SNX29: variants seen among roughly 807,000 people sequenced by gnomAD.
SNX29 encodes the protein sorting nexin 29, also known as sorting nexin-29.
SNX29 carries 78 observed loss-of-function variants against 102.1 expected under a neutral mutation model. The ratio of observed to expected loss-of-function variants is 0.76; its 90% CI spans 0.64 to 0.92. The LOEUF is 0.92. Ranked by LOEUF, SNX29 falls within the 40% of genes least tolerant of loss-of-function variation. SNX29 has a pLI of 0.00. For missense variants in SNX29, 1,280 were observed against 1,061.7 expected, an observed-to-expected ratio of 1.21 and a Z score of -2.86; for synonymous variants, 580 against 414.5, an observed-to-expected ratio of 1.40 and a Z score of -4.85.
chr16:12,249,557 A>G (rs904849586), intron 14 of SNX29, among the ~76,000 whole-genome samples: 55 of 152,136 alleles, frequency 3.6e-4, no homozygotes, highest in African/African-American at 1.3e-3. Context: ...TGGCATTACC[A>G]TAGGTAGATG....
chr16:12,394,423 C>T (rs2083646839), intron 16 of SNX29, among the ~76,000 whole-genome samples: 1 of 152,190 alleles, frequency 6.6e-6, no homozygotes, highest in African/African-American at 2.4e-5. Flanking sequence ...ACCTGAAGGA[C>T]CTTGGGCAAG....
chr16:12,044,930 A>G (rs1037458963), intron 5 of SNX29, among the ~76,000 whole-genome samples: 5 of 152,054 alleles, frequency 3.3e-5, no homozygotes, highest in Admixed American at 1.3e-4. Context: ...CCAGCATATT[A>G]TTTACGGGTA....
chr16:12,337,357 TTCAAGACAGGG>T (rs2081482304), intron 15 of SNX29, among the ~76,000 whole-genome samples: 1 of 152,106 alleles, frequency 6.6e-6, no homozygotes, highest in South Asian at 2.1e-4. Flanking sequence ...GTTGTTGTTG[TTCAAGACAGGG>T]TCTTGCTGTG....
At position 12,241,273 on chromosome 16, in the gene SNX29, C is replaced by CA. The variant is rs1389792492; in HGVS notation, c.1679-36653dup. ...GTCTCTTAGAATTCATTGTTGTGAA[C>CA]AAAAAAAGAAAACTGGCTTAAAATT... is the stretch of plus-strand genomic sequence containing the variant. On this transcript the variant is annotated intron_variant, in intron 14 of 20. Transcript: ENST00000566228. Among the ~76,000 whole-genome samples, 10 of 151,668 alleles carry CA rather than the reference C, an allele frequency of 6.6e-5. No homozygotes were observed. The South Asian group carries it at 8.3e-4, about 13-fold the overall frequency.
At chr16:12,117,800 A>G (rs2053796042) in intron 11 of SNX29, among the ~76,000 whole-genome samples, 3 of 152,172 alleles carry the variant, frequency 2.0e-5, no homozygotes, top group Admixed American at 2.0e-4. Context: ...TGATTTTTAA[A>G]AAACCTTCAG....
intron 11 of SNX29, among the ~76,000 whole-genome samples, chr16:12,097,842 G>T (rs949242242): frequency 2.6e-5 from 4 of 152,192 alleles, no homozygotes; most frequent in Non-Finnish European, 4.4e-5. Context: ...GTTTGAGCTG[G>T]GACAGCTCAG....
Position 12,524,800 on chromosome 16 carries a change from C to A in SNX29, c.2277C>A (p.Ser759Arg), listed in dbSNP as rs1169500986. The change falls in exon 20 of 21, where the codon AGC becomes AGA. Residue 759 changes from serine to arginine, a missense_variant. Coordinates refer to ENST00000566228, the MANE Select transcript of SNX29 (RefSeq NM_032167.5). ...VIQMVPEFAA[S>R]PKKETLIQLM... ...AGATGGTCCCCGAGTTCGCTGCCAGCCCCAAGAAGGAGACCCTCATCCAGC... is the reference window on the plus strand; with the variant it reads ...AGATGGTCCCCGAGTTCGCTGCCAGACCCAAGAAGGAGACCCTCATCCAGC... 1 of 1,613,606 alleles carries A rather than the reference C, an allele frequency of 6.2e-7. No individual in the cohort carries two copies. The highest frequency in any genetic ancestry group is 8.5e-7 in the Non-Finnish European group (1 of 1,179,790).
At chr16:12,130,389 G>A (rs2054409274) in intron 13 of SNX29, among the ~76,000 whole-genome samples, 1 of 149,622 alleles carries the variant, frequency 6.7e-6, no homozygotes, top group Non-Finnish European at 1.5e-5. Context: ...GCAGGAGAAT[G>A]GCGTGAACCT....
chr16:12,092,244 C>G (rs1311790386), intron 11 of SNX29, among the ~76,000 whole-genome samples: 1 of 152,064 alleles, frequency 6.6e-6, no homozygotes, highest in Non-Finnish European at 1.5e-5. Context: ...TCCTCCTCCC[C>G]CAAATCCTGC....
chr16:12,307,200 A>C (rs889426717), intron 15 of SNX29, among the ~76,000 whole-genome samples: 7 of 152,084 alleles, frequency 4.6e-5, no homozygotes, highest in African/African-American at 1.7e-4. Flanking sequence ...AATTCTGTGT[A>C]CTCTTAACCA....
At chr16:12,215,470 T>C (rs1282721217) in intron 14 of SNX29, among the ~76,000 whole-genome samples, 1 of 152,154 alleles carries the variant, frequency 6.6e-6, no homozygotes, top group Non-Finnish European at 1.5e-5. Flanking sequence ...TCTGATGTCC[T>C]GATACAGAAG....
At chr16:12,122,005 G>A (rs566598934) in intron 11 of SNX29, among the ~76,000 whole-genome samples, 10 of 152,056 alleles carry the variant, frequency 6.6e-5, no homozygotes, top group South Asian at 2.1e-4. Flanking sequence ...TAGTAGAGAC[G>A]GGATTTCACC....
At chr16:12,538,389 C>A (rs562767359) in intron 20 of SNX29, among the ~76,000 whole-genome samples, 4 of 152,150 alleles carry the variant, frequency 2.6e-5, no homozygotes, top group African/African-American at 9.7e-5. Context: ...CGCGCCCGGC[C>A]TCCCCTTGCA....
chr16:12,560,028 A>T (rs1226321420), intron 20 of SNX29, among the ~76,000 whole-genome samples: 2 of 152,170 alleles, frequency 1.3e-5, no homozygotes, highest in Non-Finnish European at 2.9e-5. Context: ...AAGACTTAGT[A>T]TGACAAATAC....
At chr16:12,521,710 C>G (rs563723365) in intron 19 of SNX29, among the ~76,000 whole-genome samples, 3 of 152,178 alleles carry the variant, frequency 2.0e-5, no homozygotes, top group African/African-American at 7.2e-5. Flanking sequence ...GGGCACTAGC[C>G]AGGCATCTTA....
intron 18 of SNX29, among the ~76,000 whole-genome samples, chr16:12,429,721 A>G (rs1597351571): frequency 6.6e-6 from 1 of 152,162 alleles, no homozygotes; most frequent in Middle Eastern, 3.4e-3. Flanking sequence ...GTTTTTTTCT[A>G]ATTTCTCCTT....
chr16:12,229,832 C>T (rs911762498), intron 14 of SNX29, among the ~76,000 whole-genome samples: 1 of 152,182 alleles, frequency 6.6e-6, no homozygotes, highest in Non-Finnish European at 1.5e-5. Context: ...ACCTAGATCA[C>T]TCAGGTAGCT....
chr16:12,181,144 G>A (rs1444081695), intron 13 of SNX29, among the ~76,000 whole-genome samples: 4 of 152,158 alleles, frequency 2.6e-5, no homozygotes, highest in Non-Finnish European at 5.9e-5. Context: ...TGGCTTTACT[G>A]CACTTCTCAA....
At position 12,068,950 on chromosome 16, in the gene SNX29, A is replaced by T. The variant is rs1596762344; in HGVS notation, c.1244-107A>T. 27 of 1,025,566 alleles carry T rather than the reference A, an allele frequency of 2.6e-5. No individual in the cohort carries two copies. In the East Asian group the frequency reaches 6.4e-4, roughly 24 times the overall value. The allele number at this position is 1,025,566 out of a possible 1,614,324, so 63.5% of individuals were successfully genotyped here. On this transcript the variant is annotated intron_variant, in intron 9 of 20. Coordinates refer to ENST00000566228, the MANE Select transcript of SNX29 (RefSeq NM_032167.5). The stretch of plus-strand genomic sequence containing the variant: ...CAGGAGAGATGGAGAAAAATTTCTT[A>T]GTCAAGTGATGTAGCAGATGAGCCA...
Sources: allele counts gnomAD v4.1 joint callset (sites outside exome capture counted in the v4.1 genomes callset), GRCh38; gene constraint gnomAD v4.1.1; transcripts MANE v1.5; gene names NCBI Gene and HGNC (gene_info 2026-07-23, HGNC 2026-07-21).